Variants in TDRP observed in about 807,000 individuals in gnomAD.
TDRP encodes testis development-related protein.
In TDRP, 12 loss-of-function variants were observed where a neutral mutation model predicts 10.5. That is an observed-to-expected ratio of 1.15 (90% CI 0.73 to 1.86). The LOEUF (loss-of-function observed/expected upper bound fraction) is 1.86, where lower values mean the gene tolerates loss of function less well. Among genes scored for constraint, TDRP ranks in the 40% most tolerant of loss-of-function variants. The pLI is 0.00. For missense variants in TDRP, 353 were observed against 229.2 expected (o/e 1.54, Z -3.49); for synonymous variants, 139 against 95.4 (o/e 1.46, Z -2.67).
intron 1 of TDRP, among the ~76,000 whole-genome samples, chr8:512,717 G>A (rs1185051055): frequency 1.3e-5 from 2 of 152,184 alleles, no homozygotes; most frequent in Admixed American, 6.5e-5. Context: ...TCTCATGCCT[G>A]TAATCTCAGC....
chr8:509,903 C>T (rs141641684), intron 1 of TDRP, among the ~76,000 whole-genome samples: 1 of 152,274 alleles, frequency 6.6e-6, no homozygotes, highest in Non-Finnish European at 1.5e-5. Flanking sequence ...AATCACTAAG[C>T]TAAATGGAAA....
intron 1 of TDRP, among the ~76,000 whole-genome samples, chr8:501,660 C>T (rs990772493): frequency 6.6e-5 from 10 of 152,148 alleles, no homozygotes; most frequent in Non-Finnish European, 1.0e-4. Context: ...TCCTGCTATA[C>T]GTTTTAAAGG....
At chr8:514,597 C>G (rs897478304) in intron 1 of TDRP, among the ~76,000 whole-genome samples, 2 of 152,128 alleles carry the variant, frequency 1.3e-5, no homozygotes, top group Non-Finnish European at 2.9e-5. Flanking sequence ...TATGGAAACA[C>G]GAGGAACCAT....
At chr8:506,881 G>C (rs1457749815) in intron 1 of TDRP, among the ~76,000 whole-genome samples, 3 of 152,192 alleles carry the variant, frequency 2.0e-5, no homozygotes, top group African/African-American at 4.8e-5. Context: ...GGAGCTCTTA[G>C]GAACACTGGA....
In TDRP at chr8:491,713, G is replaced by A; in HGVS notation, c.*686C>T. On this transcript the variant is annotated 3_prime_UTR_variant, in exon 3 of 3. Coordinates refer to ENST00000324079, the MANE Select transcript of TDRP (RefSeq NM_001384899.1). ...AGCAAATGTTTTAAGAAAATAAAGG[G>A]ACCGATTTAGAAGTTCAAAAGAGGT... The A allele has an allele frequency of 8.8e-6, 13 of 1,483,224 alleles. No individual in the cohort carries two copies. Among genetic ancestry groups the A allele is most frequent in the East Asian group, 2.5e-5 (1 of 39,970 alleles). 91.9% of individuals were successfully genotyped at this position (1,483,224 alleles called of 1,614,324 possible).
chr8:539,062 A>G (rs1328498318), intron 1 of TDRP, among the ~76,000 whole-genome samples: 1 of 152,210 alleles, frequency 6.6e-6, no homozygotes, highest in Non-Finnish European at 1.5e-5. Context: ...GAAGGCATCA[A>G]TAGGGGACTC....
intron 1 of TDRP, among the ~76,000 whole-genome samples, chr8:501,239 A>ACCC (rs1801289860): frequency 6.6e-6 from 1 of 152,092 alleles, no homozygotes; most frequent in Middle Eastern, 3.2e-3. Context: ...ACATGAGCGT[A>ACCC]ATGCTCGGGT....
chr8:491,584 GCA>G lies in TDRP; in HGVS notation c.*813_*814del, dbSNP rs1417961176. 1.9e-5 allele frequency: 29 copies of G among 1,503,380 alleles called. No homozygotes were observed. Among genetic ancestry groups the G allele is most frequent in the South Asian group, 6.5e-5 (5 of 76,798 alleles). 93.1% of individuals were successfully genotyped at this position (1,503,380 alleles called of 1,614,324 possible). A position where few individuals can be genotyped will look rare whatever the true frequency, so the allele number is the denominator to read the frequency against. On this transcript the variant is annotated 3_prime_UTR_variant, in exon 3 of 3. Coordinates refer to ENST00000324079, the MANE Select transcript of TDRP (RefSeq NM_001384899.1). ...AAAAAGAGGCACTTCAGTATTTTAT[GCA>G]CAGTCTTAACTCTCTATAATGAGCA...
intron 1 of TDRP, among the ~76,000 whole-genome samples, chr8:537,682 T>G (rs909992667): frequency 9.2e-5 from 14 of 152,148 alleles, no homozygotes; most frequent in African/African-American, 3.4e-4. Flanking sequence ...TCCTTTAAAG[T>G]CGAATGCTAA....
At chr8:511,571 G>A (rs1298937347) in intron 1 of TDRP, among the ~76,000 whole-genome samples, 2 of 152,126 alleles carry the variant, frequency 1.3e-5, no homozygotes, top group Admixed American at 1.3e-4. Flanking sequence ...AACAACAGAA[G>A]ATGTGGAAAA....
At chr8:493,048 C>T (rs1801024820) in intron 2 of TDRP, among the ~76,000 whole-genome samples, 1 of 152,084 alleles carries the variant, frequency 6.6e-6, no homozygotes, top group South Asian at 2.1e-4. Flanking sequence ...AGGTGGTACT[C>T]AAGATTTTGA....
chr8:540,211 C>G (rs1802456743), intron 1 of TDRP, among the ~76,000 whole-genome samples: 1 of 152,112 alleles, frequency 6.6e-6, no homozygotes, highest in Non-Finnish European at 1.5e-5. Context: ...CGTAAGAGGC[C>G]CAATGAAATA....
intron 1 of TDRP, among the ~76,000 whole-genome samples, chr8:500,194 T>C (rs892340017): frequency 2.0e-5 from 3 of 152,250 alleles, no homozygotes; most frequent in African/African-American, 7.2e-5. Context: ...GTTTTAGCTA[T>C]ACCTTAGTTG....
intron 1 of TDRP, among the ~76,000 whole-genome samples, chr8:520,032 G>A (rs571174947): frequency 7.9e-5 from 12 of 152,314 alleles, no homozygotes; most frequent in South Asian, 2.1e-4. Flanking sequence ...GTCACAGCAC[G>A]TTCAGAAGCT....
chr8:519,240 C>T (rs138110924), intron 1 of TDRP, among the ~76,000 whole-genome samples: 210 of 152,244 alleles, frequency 1.4e-3, no homozygotes, highest in Non-Finnish European at 2.3e-3. Context: ...GAGGGATGGA[C>T]GCTGTGTGCC....
At chr8:515,573 T>C (rs905694978) in intron 1 of TDRP, among the ~76,000 whole-genome samples, 1 of 152,230 alleles carries the variant, frequency 6.6e-6, no homozygotes, top group Non-Finnish European at 1.5e-5. Context: ...GCATTTCACA[T>C]TTTTAGATTA....
chr8:492,069 C>T lies in TDRP; in HGVS notation c.*330G>A. 8.7e-7 allele frequency: 1 copy of T among 1,151,908 alleles called. No homozygotes were observed. Among genetic ancestry groups the T allele is most frequent in the Non-Finnish European group, 1.1e-6 (1 of 938,028 alleles). The allele number at this position is 1,151,908 out of a possible 1,614,324, so 71.4% of individuals were successfully genotyped here. On this transcript the variant is annotated 3_prime_UTR_variant, in exon 3 of 3. Coordinates refer to ENST00000324079, the MANE Select transcript of TDRP (RefSeq NM_001384899.1). The stretch of plus-strand genomic sequence containing the variant: ...TCTGAAACAGAACTACAACACAGAG[C>T]AGCATGAAAATCATTTTGTGAGAAA...
At chr8:541,418 T>A (rs1802493068) in intron 1 of TDRP, among the ~76,000 whole-genome samples, 1 of 152,212 alleles carries the variant, frequency 6.6e-6, no homozygotes. Context: ...TAGTGAAGCT[T>A]CATTAAAATT....
At position 544,658 on chromosome 8, in the gene TDRP, GGGCGGC is replaced by G. The variant is rs71202629; in HGVS notation, c.94_99del (p.Ala32_Ala33del). On this transcript the variant is annotated inframe_deletion, in exon 1 of 3. Transcript: ENST00000324079. Reference sequence around the variant, plus strand: ...CCTGCGCACCCCCTCACCTGCGCCTGGGCGGCGGCGGCGGCGGCCGGTGGCGGCCCC... The same window carrying G: ...CCTGCGCACCCCCTCACCTGCGCCTGGGCGGCGGCGGCCGGTGGCGGCCCC... The G allele has an allele frequency of 0.41, 512,224 of 1,240,038 alleles. 111,035 individuals are homozygous for G. Among genetic ancestry groups the G allele is most frequent in the Non-Finnish European group, 0.44 (439,766 of 992,276 alleles). 76.8% of individuals were successfully genotyped at this position (1,240,038 alleles called of 1,614,324 possible).
Sources: gnomAD v4.1 joint callset for allele counts (sites outside exome capture counted in the v4.1 genomes callset) on GRCh38, gnomAD v4.1.1 for gene constraint, MANE v1.5 for transcripts, NCBI Gene and HGNC (gene_info 2026-07-23, HGNC 2026-07-21) for gene names.